SAMD4A: variants seen among roughly 807,000 people sequenced by gnomAD.
SAMD4A encodes the protein sterile alpha motif domain containing 4A.
SAMD4A carries 33 observed loss-of-function variants against 81.3 expected under a neutral mutation model. The observed-to-expected ratio is 0.41, with a 90% CI of 0.31 to 0.54. The LOEUF is 0.54. Ranked by LOEUF, SAMD4A falls within the 20% of genes least tolerant of loss-of-function variation. The pLI is 0.37. For synonymous variants in SAMD4A, 389 were observed against 382.1 expected (o/e 1.02, Z -0.21); for missense variants, 854 against 951.1 (o/e 0.90, Z 1.34).
At chr14:54,621,659 G>C (rs2034620514) in intron 2 of SAMD4A, among the ~76,000 whole-genome samples, 1 of 152,048 alleles carries the variant, frequency 6.6e-6, no homozygotes, top group Non-Finnish European at 1.5e-5. Context: ...ACTGTGCCCA[G>C]CTCAAAACGC....
At chr14:54,606,211 GTGCGTGCA>G (rs1326440689) in intron 2 of SAMD4A, among the ~76,000 whole-genome samples, 17 of 150,662 alleles carry the variant, frequency 1.1e-4, no homozygotes, top group African/African-American at 4.2e-4. Flanking sequence ...GTGTGTGTGT[GTGCGTGCA>G]CGTGCACGTG....
chr14:54,729,951 C>T (rs1178864670), intron 3 of SAMD4A, among the ~76,000 whole-genome samples: 3 of 152,076 alleles, frequency 2.0e-5, no homozygotes, highest in Non-Finnish European at 2.9e-5. Context: ...GTCAAACAGC[C>T]GTTATCTAAA....
At chr14:54,659,788 G>A (rs1251377549) in intron 2 of SAMD4A, among the ~76,000 whole-genome samples, 1 of 152,160 alleles carries the variant, frequency 6.6e-6, no homozygotes, top group Non-Finnish European at 1.5e-5. Context: ...TACTTGTGCT[G>A]CAACATTACC....
intron 2 of SAMD4A, among the ~76,000 whole-genome samples, chr14:54,638,934 G>T (rs1027674724): frequency 6.6e-6 from 1 of 152,132 alleles, no homozygotes; most frequent in African/African-American, 2.4e-5. Context: ...TAAACAGGTT[G>T]GTTTTGCTTC....
intron 2 of SAMD4A, among the ~76,000 whole-genome samples, chr14:54,591,989 C>A (rs942604): frequency 1.3e-5 from 2 of 151,598 alleles, no homozygotes; most frequent in Non-Finnish European, 2.9e-5. Context: ...TGCCTTTTTC[C>A]CTTTTCCTCC....
At chr14:54,772,396 C>A (rs2038728934) in intron 9 of SAMD4A, among the ~76,000 whole-genome samples, 1 of 152,184 alleles carries the variant, frequency 6.6e-6, no homozygotes. Flanking sequence ...GCAGTGGCAA[C>A]CCTCTGCAAA....
In SAMD4A at chr14:54,618,606, T is replaced by A. The variant is rs560828312; in HGVS notation, c.196+50494T>A. Among the ~76,000 whole-genome samples the A allele has an allele frequency of 3.9e-5, 6 of 152,328 alleles. No homozygotes were observed. The East Asian group carries it at 1.2e-3, about 29-fold the overall frequency. The stretch of plus-strand genomic sequence containing the variant: ...TAGAATAGATAAATATGTCTTTGAG[T>A]ATATTTTACAATGTCTGTTTGATTT... On this transcript the variant is annotated intron_variant, in intron 2 of 12. Transcript: ENST00000554335.
At chr14:54,734,700 TA>T (rs1396391232) in intron 3 of SAMD4A, among the ~76,000 whole-genome samples, 2 of 152,170 alleles carry the variant, frequency 1.3e-5, no homozygotes, top group African/African-American at 4.8e-5. Context: ...TAGCATGGAT[TA>T]AAAAATCAGA....
At chr14:54,639,314 G>A (rs1420075816) in intron 2 of SAMD4A, among the ~76,000 whole-genome samples, 1 of 152,260 alleles carries the variant, frequency 6.6e-6, no homozygotes, top group African/African-American at 2.4e-5. Flanking sequence ...CTAGCCTGCA[G>A]TCATGGAGAT....
chr14:54,726,303 C>A (rs542121104), intron 3 of SAMD4A, among the ~76,000 whole-genome samples: 1 of 152,130 alleles, frequency 6.6e-6, no homozygotes, highest in Non-Finnish European at 1.5e-5. Context: ...TCTGGGGAGT[C>A]TTTAGGAATT....
chr14:54,725,764 C>A (rs1380722447), intron 3 of SAMD4A, among the ~76,000 whole-genome samples: 1 of 152,148 alleles, frequency 6.6e-6, no homozygotes, highest in African/African-American at 2.4e-5. Context: ...CATAACGTAG[C>A]CTTTGTTATC....
At chr14:54,682,570 T>C (rs1247566611) in intron 2 of SAMD4A, among the ~76,000 whole-genome samples, 7 of 152,258 alleles carry the variant, frequency 4.6e-5, no homozygotes, top group Non-Finnish European at 8.8e-5. Flanking sequence ...TTGTCCATAC[T>C]GTATTTGAAG....
intron 2 of SAMD4A, among the ~76,000 whole-genome samples, chr14:54,606,212 T>TGTGTGTGTGTGTGC (rs1051852191): frequency 3.3e-5 from 5 of 150,254 alleles, no homozygotes; most frequent in African/African-American, 1.2e-4. Context: ...TGTGTGTGTG[T>TGTGTGTGTGTGTGC]GCGTGCACGT....
At chr14:54,637,954 A>G (rs2035076125) in intron 2 of SAMD4A, among the ~76,000 whole-genome samples, 6 of 152,148 alleles carry the variant, frequency 3.9e-5, no homozygotes, top group Admixed American at 3.9e-4. Context: ...CTGCTAACAC[A>G]TTGCTCTTGT....
chr14:54,639,711 A>T (rs534861413), intron 2 of SAMD4A, among the ~76,000 whole-genome samples: 2 of 152,102 alleles, frequency 1.3e-5, no homozygotes, highest in African/African-American at 4.8e-5. Context: ...AGCTCATAGC[A>T]CTGTACTGTC....
chr14:54,567,899 G>C lies in SAMD4A; in HGVS notation c.-18G>C. 1 of 1,600,224 alleles carries C rather than the reference G, an allele frequency of 6.2e-7. No individual in the cohort carries two copies. The highest frequency in any genetic ancestry group is 8.5e-7 in the Non-Finnish European group (1 of 1,177,642). On this transcript the variant is annotated 5_prime_UTR_variant, in exon 2 of 13. Coordinates refer to ENST00000554335, the MANE Select transcript of SAMD4A (RefSeq NM_015589.6). ...GGGCGCCCAGGGGGCTCTGTAGACC[G>C]AGGGCGGCCCCCTAACCATGATGTT... is the stretch of plus-strand genomic sequence containing the variant.
chr14:54,712,457 T>A (rs1281676604), intron 3 of SAMD4A, among the ~76,000 whole-genome samples: 1 of 152,192 alleles, frequency 6.6e-6, no homozygotes, highest in African/African-American at 2.4e-5. Context: ...TTCCTTCCCC[T>A]TTGGGGGAAA....
chr14:54,677,206 A>G (rs1248130845), intron 2 of SAMD4A, among the ~76,000 whole-genome samples: 1 of 152,182 alleles, frequency 6.6e-6, no homozygotes, highest in African/African-American at 2.4e-5. Context: ...TTGAAAAGCT[A>G]TTTTTGATCC....
At chr14:54,754,885 T>A in intron 6 of SAMD4A, 1 of 986,780 alleles carries the variant, frequency 1.0e-6, no homozygotes, top group Non-Finnish European at 1.2e-6. Context: ...GCCCCATCCA[T>A]TGGAGATTAA....
Sources: allele counts gnomAD v4.1 joint callset (sites outside exome capture counted in the v4.1 genomes callset), GRCh38; gene constraint gnomAD v4.1.1; transcripts MANE v1.5; gene names NCBI Gene and HGNC (gene_info 2026-07-23, HGNC 2026-07-21).